The following ST7 variants were observed in gnomAD, a reference collection of about 807,000 sequenced individuals.
The protein encoded by ST7 is suppression of tumorigenicity 7, also known as suppressor of tumorigenicity 7 protein.
A neutral mutation model predicts 78.7 loss-of-function variants in ST7; 28 were observed. The observed-to-expected ratio is 0.36, with a 90% CI of 0.26 to 0.49. ST7 has a LOEUF of 0.49. Ranked by LOEUF, ST7 falls within the 20% of genes least tolerant of loss-of-function variation. The probability of loss-of-function intolerance (pLI) is 0.99; values close to 1 mark genes in which losing one functional copy is unlikely to be tolerated. For missense variants in ST7, 418 were observed against 696.0 expected (o/e 0.60, Z 4.49); for synonymous variants, 247 against 249.6 (o/e 0.99, Z 0.10).
intron 1 of ST7, among the ~76,000 whole-genome samples, chr7:117,041,824 A>G (rs879155071): frequency 1.3e-5 from 2 of 152,222 alleles, no homozygotes; most frequent in Admixed American, 1.3e-4. Flanking sequence ...AGGGAAATTA[A>G]GGTTTAAACC....
chr7:116,999,519 C>T lies in ST7; in HGVS notation c.151+45828C>T, dbSNP rs117713767. On this transcript the variant is annotated intron_variant, in intron 1 of 15. Coordinates refer to ENST00000323984, the MANE Select transcript of ST7 (RefSeq NM_001369598.1). ...TTGGGAGGAGCAAATAGACATCATA[C>T]CTCTGTGGCCCTCAAAGGCCACGCA... Among the ~76,000 whole-genome samples the T allele has an allele frequency of 2.0e-5, 3 of 152,272 alleles. No individual in the cohort carries two copies. The South Asian group carries it at 6.2e-4, about 32-fold the overall frequency.
At chr7:117,107,114 T>TAC (rs1491573948) in intron 2 of ST7, among the ~76,000 whole-genome samples, 1 of 149,360 alleles carries the variant, frequency 6.7e-6, no homozygotes, top group African/African-American at 2.4e-5. Flanking sequence ...TGTGTATGTG[T>TAC]ATATATATAT....
At chr7:116,961,302 A>G (rs1461111639) in intron 1 of ST7, among the ~76,000 whole-genome samples, 1 of 152,012 alleles carries the variant, frequency 6.6e-6, no homozygotes, top group African/African-American at 2.4e-5. Flanking sequence ...TATTTGGGCT[A>G]TTTTTTGGTT....
At chr7:117,021,872 A>G (rs754562921) in intron 1 of ST7, among the ~76,000 whole-genome samples, 61 of 152,316 alleles carry the variant, frequency 4.0e-4, no homozygotes, top group Admixed American at 1.2e-3. Flanking sequence ...TACATTTAGA[A>G]TTGGTTATCT....
intron 13 of ST7, 108 bp from the exon 14 acceptor site, chr7:117,218,975 CT>C: frequency 1.2e-6 from 1 of 805,220 alleles, no homozygotes; most frequent in East Asian, 2.5e-5. Flanking sequence ...GCCTTGCCTC[CT>C]TTGTAGAAGT....
intron 5 of ST7, 82 bp from the exon 6 acceptor site, chr7:117,131,803 C>A: frequency 8.1e-7 from 1 of 1,236,466 alleles, no homozygotes; most frequent in Non-Finnish European, 1.2e-6. Flanking sequence ...AGCTGACACT[C>A]CTAATTTAGC....
chr7:117,104,344 G>A (rs568128341), intron 2 of ST7, among the ~76,000 whole-genome samples: 1 of 152,280 alleles, frequency 6.6e-6, no homozygotes, highest in South Asian at 2.1e-4. Flanking sequence ...GGAGGCTGAG[G>A]CAGCAGAATC....
intron 1 of ST7, chr7:116,958,587 A>G (rs1312402505): frequency 1.1e-5 from 5 of 471,356 alleles, no homozygotes; most frequent in East Asian, 6.9e-5. Context: ...CCATCTATCA[A>G]GGACCAGCTG....
At chr7:117,025,515 A>G (rs2116085734) in intron 1 of ST7, among the ~76,000 whole-genome samples, 1 of 152,312 alleles carries the variant, frequency 6.6e-6, no homozygotes, top group Middle Eastern at 3.4e-3. Context: ...TTAAAACAAA[A>G]ATAGAAATAC....
At chr7:117,069,453 G>A (rs1196331031) in intron 1 of ST7, among the ~76,000 whole-genome samples, 1 of 152,178 alleles carries the variant, frequency 6.6e-6, no homozygotes, top group Admixed American at 6.5e-5. Context: ...GTAAATACTG[G>A]AATTTAAATG....
chr7:117,063,471 G>A (rs1459697180), intron 1 of ST7, among the ~76,000 whole-genome samples: 1 of 152,186 alleles, frequency 6.6e-6, no homozygotes, highest in Non-Finnish European at 1.5e-5. Context: ...CACTTTGGGA[G>A]GCTGAGATGG....
chr7:116,980,727 A>G (rs914993441), intron 1 of ST7, among the ~76,000 whole-genome samples: 2 of 152,250 alleles, frequency 1.3e-5, no homozygotes, highest in South Asian at 2.1e-4. Context: ...TTCCAGAACC[A>G]TTAGATGCTG....
At chr7:117,068,632 C>T (rs1189682951) in intron 1 of ST7, among the ~76,000 whole-genome samples, 1 of 152,206 alleles carries the variant, frequency 6.6e-6, no homozygotes, top group African/African-American at 2.4e-5. Flanking sequence ...AGCTTCCTAA[C>T]CTTCACCAAG....
intron 9 of ST7, among the ~76,000 whole-genome samples, chr7:117,150,914 G>A (rs950185661): frequency 1.3e-5 from 2 of 152,166 alleles, no homozygotes; most frequent in Non-Finnish European, 2.9e-5. Flanking sequence ...AGTTGCTCAC[G>A]TGAAAAACCT....
intron 1 of ST7, among the ~76,000 whole-genome samples, chr7:117,087,305 T>C (rs956453972): frequency 6.6e-6 from 1 of 152,136 alleles, no homozygotes; most frequent in African/African-American, 2.4e-5. Flanking sequence ...AGAAAATAGA[T>C]TTATTTTTAT....
intron 11 of ST7, among the ~76,000 whole-genome samples, 176 bp downstream of exon 11, chr7:117,189,569 C>T (rs545656051): frequency 6.6e-6 from 1 of 152,280 alleles, no homozygotes; most frequent in East Asian, 1.9e-4. Context: ...TGTATATCCT[C>T]AGGTAATGTA....
intron 1 of ST7, among the ~76,000 whole-genome samples, chr7:116,961,476 T>C (rs946093306): frequency 2.6e-5 from 4 of 152,126 alleles, no homozygotes; most frequent in Non-Finnish European, 5.9e-5. Flanking sequence ...TTTGCTTGTG[T>C]CATCTCTGAT....
At chr7:117,095,677 A>T (rs1800974682) in intron 1 of ST7, among the ~76,000 whole-genome samples, 1 of 152,156 alleles carries the variant, frequency 6.6e-6, no homozygotes. Context: ...AAAGTATTAT[A>T]GTTTATTTTC....
At chr7:117,191,301 A>G (rs576314562) in intron 12 of ST7, among the ~76,000 whole-genome samples, 82 of 152,190 alleles carry the variant, frequency 5.4e-4, no homozygotes, top group Non-Finnish European at 9.6e-4. Context: ...GTTGTGAATA[A>G]AACTGGTAAA....
Sources: gnomAD v4.1 joint callset for allele counts (sites outside exome capture counted in the v4.1 genomes callset) on GRCh38, gnomAD v4.1.1 for gene constraint, MANE v1.5 for transcripts, NCBI Gene and HGNC (gene_info 2026-07-23, HGNC 2026-07-21) for gene names.